PDLIM3: variants seen among roughly 807,000 people sequenced by gnomAD.
The protein encoded by PDLIM3 is PDZ and LIM domain 3, also known as PDZ and LIM domain protein 3.
In PDLIM3, 36 loss-of-function variants were observed where a neutral mutation model predicts 37.3. The ratio of observed to expected loss-of-function variants is 0.97; its 90% confidence interval spans 0.74 to 1.28. The LOEUF (loss-of-function observed/expected upper bound fraction) is 1.28. PDLIM3 is among the 50% of genes most tolerant of loss of function. The probability of loss-of-function intolerance (pLI) is 0.00; values close to 1 mark genes in which losing one functional copy is unlikely to be tolerated. For synonymous variants in PDLIM3, 174 were observed against 182.4 expected, an observed-to-expected ratio of 0.95 and a Z score of 0.37; for missense variants, 454 against 485.0, an observed-to-expected ratio of 0.94 and a Z score of 0.60.
At chr4:185,507,470 G>A (rs993095241) in intron 5 of PDLIM3, among the ~76,000 whole-genome samples, 7 of 151,980 alleles carry the variant, frequency 4.6e-5, no homozygotes, top group African/African-American at 1.7e-4. Flanking sequence ...TATTCCCTAT[G>A]TCATATTTGC....
chr4:185,527,286 C>T (rs1184971535), intron 1 of PDLIM3, among the ~76,000 whole-genome samples: 1 of 152,190 alleles, frequency 6.6e-6, no homozygotes, highest in African/African-American at 2.4e-5. Context: ...ATTTCTAATG[C>T]TTTATTTAGG....
chr4:185,520,274 C>T (rs1361476051), intron 3 of PDLIM3, among the ~76,000 whole-genome samples: 4 of 152,096 alleles, frequency 2.6e-5, no homozygotes, highest in Non-Finnish European at 5.9e-5. Flanking sequence ...AGTAGAAATC[C>T]TTTGGTTCAT....
chr4:185,507,563 C>T (rs1356360381), intron 5 of PDLIM3, among the ~76,000 whole-genome samples: 1 of 152,102 alleles, frequency 6.6e-6, no homozygotes, highest in Non-Finnish European at 1.5e-5. Context: ...CTATTTAACA[C>T]TCTGAAGCAT....
chr4:185,512,917 G>C (rs1449834033), intron 4 of PDLIM3: 18 of 985,328 alleles, frequency 1.8e-5, no homozygotes, highest in Non-Finnish European at 2.2e-5. Flanking sequence ...GGAACACATA[G>C]AGAGAAGCAG....
At position 185,504,546 on chromosome 4, in the gene PDLIM3, C is replaced by T; in HGVS notation, c.834G>A (p.Val278=). Residue 278 remains valine (V), a synonymous_variant, in exon 7 of 8, where the codon GTG becomes GTA. Coordinates refer to ENST00000284767, the MANE Select transcript of PDLIM3 (RefSeq NM_014476.6). The surrounding 1 kb of genome is among the most constrained non-coding windows in gnomAD (Gnocchi z 4.7). The stretch of plus-strand genomic sequence containing the variant: ...CGCCTGAACCGCCATGGACTTTCGT[C>T]ACCGGAGCTCTCACACTCCGCGTTC... ...PAGTRSVRAP[V]TKVHGGSGGA... is the part of the protein sequence containing the mutation. 6.2e-7 allele frequency: 1 copy of T among 1,614,156 alleles called. No individual in the cohort carries two copies.
chr4:185,520,283 A>G lies in PDLIM3; in HGVS notation c.330+3079T>C, dbSNP rs1024397439. Among the ~76,000 whole-genome samples the G allele has an allele frequency of 3.9e-5, 6 of 152,356 alleles. No homozygotes were observed. In the South Asian group the frequency reaches 8.3e-4, roughly 21 times the overall value. ...ATAAGGAGTAGAAATCCTTTGGTTC[A>G]TTAGTAGAACTGAATTGTTCTTATC... On this transcript the variant is annotated intron_variant, in intron 3 of 7. Transcript: ENST00000284767.
At chr4:185,532,893 T>A (rs79426196) in intron 1 of PDLIM3, among the ~76,000 whole-genome samples, 3,985 of 152,206 alleles carry the variant, frequency 0.026, 185 homozygotes, top group African/African-American at 0.091. Context: ...AAGTGGCAGA[T>A]GTTGAAGACA....
chr4:185,521,403 T>TC lies in PDLIM3; in HGVS notation c.330+1958_330+1959insG, dbSNP rs1270541271. Reference sequence around the variant, plus strand: ...CACTCAACTTTCTTTTCTTTTCTTTTTTTTTTTTTTTGAGACAGGGTCTTG... The same window carrying TC: ...CACTCAACTTTCTTTTCTTTTCTTTTCTTTTTTTTTTTGAGACAGGGTCTTG... On this transcript the variant is annotated intron_variant, in intron 3 of 7. Coordinates refer to ENST00000284767, the MANE Select transcript of PDLIM3 (RefSeq NM_014476.6). 1.4e-4 allele frequency among the ~76,000 whole-genome samples: 8 copies of TC among 59,048 alleles called. 2 individuals are homozygous for TC. The highest frequency in any genetic ancestry group is 7.4e-4 in the East Asian group (1 of 1,358). 38.7% of individuals were successfully genotyped at this position (59,048 alleles called of 152,430 possible).
At chr4:185,532,189 A>C (rs557812900) in intron 1 of PDLIM3, among the ~76,000 whole-genome samples, 1 of 152,192 alleles carries the variant, frequency 6.6e-6, no homozygotes, top group Non-Finnish European at 1.5e-5. Flanking sequence ...CACATTCTAT[A>C]CCTATTTATA....
intron 3 of PDLIM3, among the ~76,000 whole-genome samples, chr4:185,519,873 C>T (rs1461013537): frequency 1.3e-5 from 2 of 152,158 alleles, no homozygotes; most frequent in African/African-American, 4.8e-5. Context: ...TGGCCTTTTG[C>T]TATTCATCTG....
chr4:185,504,324 C>T lies in PDLIM3; in HGVS notation c.905+151G>A, dbSNP rs1370528531. 56 of 683,048 alleles carry T rather than the reference C, an allele frequency of 8.2e-5. No individual in the cohort carries two copies. Among genetic ancestry groups the T allele is most frequent in the Non-Finnish European group, 1.4e-4 (52 of 377,478 alleles). The allele number at this position is 683,048 out of a possible 1,614,324, so 42.3% of individuals were successfully genotyped here. On this transcript the variant is annotated intron_variant, in intron 7 of 7. Coordinates refer to ENST00000284767, the MANE Select transcript of PDLIM3 (RefSeq NM_014476.6). This position sits in a 1 kb window ranked among gnomAD's most constrained non-coding sequence, Gnocchi z 4.7. ...AGGTATATCTAAGGAGTGACAGTCA[C>T]AATGTGCTAAATGTTGGGGACCTTA...
At chr4:185,530,668 A>G (rs775365569) in intron 1 of PDLIM3, among the ~76,000 whole-genome samples, 15 of 152,168 alleles carry the variant, frequency 9.9e-5, no homozygotes, top group Non-Finnish European at 2.1e-4. Context: ...TAGTAATTGG[A>G]ATATTTGAGA....
Position 185,535,448 on chromosome 4 carries a change from C to A in PDLIM3, c.-14G>T. 6.3e-7 allele frequency: 1 copy of A among 1,576,846 alleles called. No individual in the cohort carries two copies. The highest frequency in any genetic ancestry group is 1.4e-5 in the African/African-American group (1 of 72,936). On this transcript the variant is annotated 5_prime_UTR_variant, in exon 1 of 8. Coordinates refer to ENST00000284767, the MANE Select transcript of PDLIM3 (RefSeq NM_014476.6). ...CGTCTGGGGCATGCCGCCTTCCTCC[C>A]GCCCACCGGGCTCTAAGTGTCCCCG...
chr4:185,506,462 G>A (rs554260736), intron 6 of PDLIM3, 60 bp downstream of exon 6: 54 of 1,605,070 alleles, frequency 3.4e-5, no homozygotes, highest in Middle Eastern at 1.7e-4. Flanking sequence ...TGTCGTCCCC[G>A]TCCCGCCCCC....
chr4:185,509,349 C>T (rs546102399), intron 4 of PDLIM3, among the ~76,000 whole-genome samples: 2 of 152,110 alleles, frequency 1.3e-5, no homozygotes, highest in South Asian at 4.1e-4. Flanking sequence ...TCTTTCGATG[C>T]TTATATTTCT....
chr4:185,523,054 C>A (rs1452239962), intron 3 of PDLIM3: 5 of 311,594 alleles, frequency 1.6e-5, no homozygotes, highest in Non-Finnish European at 3.0e-5. Flanking sequence ...CCTTAGATTA[C>A]CTCACGGTCA....
chr4:185,524,795 C>T (rs1341292532), intron 2 of PDLIM3, among the ~76,000 whole-genome samples: 2 of 152,068 alleles, frequency 1.3e-5, no homozygotes, highest in African/African-American at 2.4e-5. Flanking sequence ...TTCTTTTAGC[C>T]TCTTTTATTA....
chr4:185,513,175 G>T lies in PDLIM3; in HGVS notation c.398+1095C>A, dbSNP rs188469036. Reference sequence around the variant, plus strand: ...TGCAGACACTGAGCTCACGTTCTAGGGGGGGGAAGATGTGTTTGCTCATGG... The same window carrying T: ...TGCAGACACTGAGCTCACGTTCTAGTGGGGGGAAGATGTGTTTGCTCATGG... On this transcript the variant is annotated intron_variant, in intron 4 of 7. Coordinates refer to ENST00000284767, the MANE Select transcript of PDLIM3 (RefSeq NM_014476.6). 1,433 of 985,060 alleles carry T rather than the reference G, an allele frequency of 1.5e-3. 4 individuals carry two copies. The highest frequency in any genetic ancestry group is 2.1e-3 in the Middle Eastern group (4 of 1,914). The allele number at this position is 985,060 out of a possible 1,614,324, so 61.0% of individuals were successfully genotyped here.
At chr4:185,513,093 T>C in intron 4 of PDLIM3, 1 of 984,894 alleles carries the variant, frequency 1.0e-6, no homozygotes, top group South Asian at 4.7e-5. Flanking sequence ...TGAGCATTTA[T>C]TCTGTCTCAT....
Sources: gnomAD v4.1 joint callset for allele counts (sites outside exome capture counted in the v4.1 genomes callset) on GRCh38, gnomAD v4.1.1 for gene constraint, Gnocchi (gnomAD v3.1) non-coding constraint, MANE v1.5 for transcripts, NCBI Gene and HGNC (gene_info 2026-07-23, HGNC 2026-07-21) for gene names.